SYCE3: variants seen among roughly 807,000 people sequenced by gnomAD.
The protein encoded by SYCE3 is synaptonemal complex central element protein 3, also known as testis highly expressed gene 2 protein.
A neutral mutation model predicts 8.1 loss-of-function variants in SYCE3; 3 were observed. The ratio of observed to expected loss-of-function variants is 0.37; its 90% CI spans 0.17 to 0.96. The LOEUF (loss-of-function observed/expected upper bound fraction) is 0.96. Among genes scored for constraint, SYCE3 ranks in the 40% least tolerant of loss-of-function variants. The pLI, the probability that SYCE3 is intolerant of heterozygous loss-of-function variation, is 0.41. For synonymous variants in SYCE3, 36 were observed against 38.7 expected (o/e 0.93, Z 0.26); for missense variants, 83 against 110.0 (o/e 0.75, Z 1.10).
chr22:50,562,896 C>T lies in SYCE3; in HGVS notation c.-39G>A, dbSNP rs527973988. On this transcript the variant is annotated 5_prime_UTR_variant, in exon 1 of 3. Transcript: ENST00000406915. ...CGCGCTCCGGTCCTGCTCTGGCGCC[C>T]CCAGCGGCCGCTTGAGGAACAAGGC... 6.6e-6 allele frequency: 1 copy of T among 152,396 alleles called. No homozygotes were observed. Among genetic ancestry groups the T allele is most frequent in the East Asian group, 1.9e-4 (1 of 5,150 alleles). 9.4% of individuals were successfully genotyped at this position (152,396 alleles called of 1,614,324 possible). A position where few individuals can be genotyped will look rare whatever the true frequency, so the allele number is the denominator to read the frequency against.
intron 1 of SYCE3, among the ~76,000 whole-genome samples, chr22:50,557,592 G>T (rs1047162880): frequency 1.3e-5 from 2 of 152,130 alleles, no homozygotes; most frequent in Non-Finnish European, 2.9e-5. Flanking sequence ...CATATCCGTT[G>T]TTATTTAAAA....
intron 1 of SYCE3, among the ~76,000 whole-genome samples, chr22:50,558,035 T>C (rs1284314372): frequency 2.6e-5 from 4 of 152,218 alleles, no homozygotes; most frequent in Non-Finnish European, 5.9e-5. Context: ...GAACTATTCC[T>C]AGTGTTCAGC....
intron 2 of SYCE3, among the ~76,000 whole-genome samples, chr22:50,553,652 G>A (rs986903919): frequency 2.2e-4 from 34 of 152,046 alleles, no homozygotes; most frequent in African/African-American, 8.0e-4. Flanking sequence ...GTATGATCTC[G>A]GCTCACTGCA....
intron 1 of SYCE3, among the ~76,000 whole-genome samples, chr22:50,556,712 G>A (rs904337542): frequency 6.6e-6 from 1 of 152,142 alleles, no homozygotes; most frequent in African/African-American, 2.4e-5. Context: ...CTGTCATAAT[G>A]GTGACATGGA....
intron 2 of SYCE3, 151 bp downstream of exon 2, chr22:50,556,146 G>T: frequency 8.3e-6 from 5 of 600,422 alleles, no homozygotes; most frequent in East Asian, 5.6e-5. Context: ...TCCCTAAAAT[G>T]TATAAAAGCA....
chr22:50,559,123 ACACT>A (rs1218086203), intron 1 of SYCE3, among the ~76,000 whole-genome samples: 1 of 146,266 alleles, frequency 6.8e-6, no homozygotes, highest in East Asian at 2.0e-4. Context: ...TTCTCACTAC[ACACT>A]CTTTTTTTTT....
intron 1 of SYCE3, among the ~76,000 whole-genome samples, chr22:50,559,410 A>C (rs1192552163): frequency 1.3e-5 from 2 of 152,184 alleles, no homozygotes; most frequent in Middle Eastern, 3.2e-3. Context: ...TACAGGTGTG[A>C]GCCACTATGC....
chr22:50,557,692 T>C (rs1392805142), intron 1 of SYCE3, among the ~76,000 whole-genome samples: 1 of 151,898 alleles, frequency 6.6e-6, no homozygotes, highest in African/African-American at 2.4e-5. Context: ...TGCTCACCTA[T>C]TTATCTACAA....
intron 2 of SYCE3, among the ~76,000 whole-genome samples, chr22:50,554,378 T>C (rs1325642788): frequency 6.6e-6 from 1 of 152,032 alleles, no homozygotes; most frequent in Admixed American, 6.6e-5. Flanking sequence ...AAGGAAAATA[T>C]TGATAGATTT....
chr22:50,560,489 T>C (rs2069903901), intron 1 of SYCE3, among the ~76,000 whole-genome samples: 2 of 152,110 alleles, frequency 1.3e-5, no homozygotes, highest in Non-Finnish European at 2.9e-5. Flanking sequence ...AAATTCAAGA[T>C]ATTTGATTTG....
intron 2 of SYCE3, among the ~76,000 whole-genome samples, chr22:50,552,431 T>A (rs2069818750): frequency 6.6e-6 from 1 of 152,058 alleles, no homozygotes; most frequent in African/African-American, 2.4e-5. Flanking sequence ...GGGGGGTAGA[T>A]CACGAGATCA....
chr22:50,553,689 T>C (rs1315816368), intron 2 of SYCE3, among the ~76,000 whole-genome samples: 1 of 152,056 alleles, frequency 6.6e-6, no homozygotes, highest in Non-Finnish European at 1.5e-5. Flanking sequence ...TTCAAGTGAT[T>C]CTCCTGCCTC....
intron 1 of SYCE3, among the ~76,000 whole-genome samples, chr22:50,558,431 CAA>C (rs527456795): frequency 1.4e-5 from 2 of 139,976 alleles, no homozygotes; most frequent in Non-Finnish European, 1.6e-5. Context: ...AACTTCATCT[CAA>C]AAAAAAAAAA....
intron 2 of SYCE3, among the ~76,000 whole-genome samples, chr22:50,555,574 C>G (rs974634601): frequency 6.6e-6 from 1 of 152,202 alleles, no homozygotes; most frequent in Non-Finnish European, 1.5e-5. Flanking sequence ...AATCTATTCC[C>G]TCTGAAGCCT....
At chr22:50,554,746 G>A (rs1250366367) in intron 2 of SYCE3, among the ~76,000 whole-genome samples, 1 of 149,690 alleles carries the variant, frequency 6.7e-6, no homozygotes, top group Non-Finnish European at 1.5e-5. Flanking sequence ...TGTAATCCCA[G>A]GACTTTGGGA....
chr22:50,559,079 A>C (rs1272370176), intron 1 of SYCE3, among the ~76,000 whole-genome samples: 1 of 150,974 alleles, frequency 6.6e-6, no homozygotes, highest in Non-Finnish European at 1.5e-5. Flanking sequence ...TACTGGCTCT[A>C]ATGGGTCAAG....
chr22:50,558,921 C>T (rs931263662), intron 1 of SYCE3, among the ~76,000 whole-genome samples: 1 of 152,188 alleles, frequency 6.6e-6, no homozygotes, highest in Non-Finnish European at 1.5e-5. Context: ...CACTTTCTGT[C>T]TTTCTTTTAT....
intron 1 of SYCE3, among the ~76,000 whole-genome samples, chr22:50,557,408 G>A (rs549378877): frequency 2.6e-5 from 4 of 152,036 alleles, no homozygotes; most frequent in South Asian, 4.1e-4. Flanking sequence ...TATCCACCTC[G>A]GCCTCCCAAA....
intron 2 of SYCE3, among the ~76,000 whole-genome samples, chr22:50,555,368 C>T (rs1270657605): frequency 6.6e-6 from 1 of 152,128 alleles, no homozygotes; most frequent in African/African-American, 2.4e-5. Context: ...TGGCCAGGCA[C>T]GCTGGCTCAT....
Sources: gnomAD v4.1 joint callset for allele counts (sites outside exome capture counted in the v4.1 genomes callset) on GRCh38, gnomAD v4.1.1 for gene constraint, MANE v1.5 for transcripts, NCBI Gene and HGNC (gene_info 2026-07-23, HGNC 2026-07-21) for gene names.